Variants in SLC28A3 observed in about 807,000 individuals in gnomAD.
SLC28A3 encodes the protein concentrative Na(+)-nucleoside cotransporter 3.
SLC28A3 carries 68 observed loss-of-function variants against 84.2 expected under a neutral mutation model. The ratio of observed to expected loss-of-function variants is 0.81; its 90% CI spans 0.66 to 0.99. The LOEUF is 0.99. SLC28A3 is among the 50% of genes least tolerant of loss of function. SLC28A3 has a pLI of 0.00. For missense variants in SLC28A3, 712 were observed against 841.5 expected (o/e 0.85, Z 1.90); for synonymous variants, 267 against 303.6 (o/e 0.88, Z 1.25).
chr9:84,279,220 G>A, intron 17 of SLC28A3, 45 bp downstream of exon 17: 1 of 1,283,888 alleles, frequency 7.8e-7, no homozygotes, highest in Non-Finnish European at 1.1e-6. Flanking sequence ...TGATTTGATT[G>A]ATTATTAATG....
chr9:84,355,349 G>T, the SLC28A3 span, among the ~76,000 whole-genome samples: 1 of 152,036 alleles, frequency 6.6e-6, no homozygotes, highest in Non-Finnish European at 1.5e-5. Flanking sequence ...GGGGTGGGAG[G>T]TCTGCTTGAG....
At chr9:84,284,318 G>A (rs1257858161) in intron 14 of SLC28A3, among the ~76,000 whole-genome samples, 2 of 152,170 alleles carry the variant, frequency 1.3e-5, no homozygotes, top group African/African-American at 4.8e-5. Flanking sequence ...CAGAGTCCCT[G>A]CTCATGTCAG....
At chr9:84,295,987 A>G (rs1024152029) in intron 8 of SLC28A3, among the ~76,000 whole-genome samples, 3 of 152,222 alleles carry the variant, frequency 2.0e-5, no homozygotes, top group African/African-American at 7.2e-5. Flanking sequence ...TGAGGGAGTT[A>G]AAGAGGCTCA....
chr9:84,363,321 A>G, the SLC28A3 span, among the ~76,000 whole-genome samples: 1 of 152,232 alleles, frequency 6.6e-6, no homozygotes, highest in South Asian at 2.1e-4. Flanking sequence ...GGGAGAAATC[A>G]ATAAGTCAAG....
At chr9:84,339,687 C>T (rs1265111558) in intron 1 of SLC28A3, among the ~76,000 whole-genome samples, 2 of 152,164 alleles carry the variant, frequency 1.3e-5, no homozygotes, top group African/African-American at 2.4e-5. Context: ...ACACTTGTGA[C>T]CTATAAGTGG....
At chr9:84,311,888 C>T (rs1276525889) in intron 2 of SLC28A3, among the ~76,000 whole-genome samples, 1 of 152,116 alleles carries the variant, frequency 6.6e-6, no homozygotes, top group South Asian at 2.1e-4. Flanking sequence ...TCTTATTTGT[C>T]CCTACCACCC....
At chr9:84,348,303 G>C in the SLC28A3 span, among the ~76,000 whole-genome samples, 1 of 147,812 alleles carries the variant, frequency 6.8e-6, no homozygotes, top group East Asian at 2.0e-4. Flanking sequence ...GCAGTGAGCC[G>C]AGATCACAGC....
chr9:84,325,791 C>T (rs1276253396), intron 1 of SLC28A3, among the ~76,000 whole-genome samples: 3 of 152,230 alleles, frequency 2.0e-5, no homozygotes, highest in Non-Finnish European at 2.9e-5. Context: ...CCTTTCTGAA[C>T]ACTGACCGGT....
At chr9:84,340,913 C>T (rs1361477356), upstream of SLC28A3, among the ~76,000 whole-genome samples, 2 of 151,910 alleles carry the variant, frequency 1.3e-5, no homozygotes, top group Admixed American at 1.3e-4. Flanking sequence ...ATCCTATTTG[C>T]ACTCCTGGGG....
At chr9:84,358,782 A>T in the SLC28A3 span, among the ~76,000 whole-genome samples, 3 of 152,140 alleles carry the variant, frequency 2.0e-5, no homozygotes, top group Admixed American at 2.0e-4. Flanking sequence ...ACTGGAAAGA[A>T]GACATTTTCT....
In SLC28A3 at chr9:84,276,877, A is replaced by C. The variant is rs187893263; in HGVS notation, c.*1341T>G. On this transcript the variant is annotated 3_prime_UTR_variant, in exon 18 of 18. Coordinates refer to ENST00000376238, the MANE Select transcript of SLC28A3 (RefSeq NM_001199633.2). ...TAAGGTATTTCAAAACCTTTTTCAC[A>C]TTCAGTGTCTGTTTCTTGACTTGGT... is the stretch of plus-strand genomic sequence containing the variant. 1.1e-4 allele frequency: 16 copies of C among 152,328 alleles called. No homozygotes were observed. Among genetic ancestry groups the C allele is most frequent in the Admixed American group, 5.9e-4 (9 of 15,300 alleles). 9.4% of individuals were successfully genotyped at this position (152,328 alleles called of 1,614,324 possible). A position where few individuals can be genotyped will look rare whatever the true frequency, so the allele number is the denominator to read the frequency against.
intron 1 of SLC28A3, among the ~76,000 whole-genome samples, chr9:84,318,264 A>AAG (rs57769966): frequency 0.011 from 1,743 of 152,268 alleles, 34 homozygotes; most frequent in African/African-American, 0.039. Context: ...TACCTGTGGC[A>AAG]AGAGACCCAG....
intron 8 of SLC28A3, among the ~76,000 whole-genome samples, chr9:84,296,225 C>A (rs1194082293): frequency 6.6e-6 from 1 of 152,174 alleles, no homozygotes; most frequent in East Asian, 1.9e-4. Context: ...GTTATCTCAG[C>A]CCTAAAACAT....
chr9:84,290,043 A>G lies in SLC28A3; in HGVS notation c.1149+111T>C, dbSNP rs11568389. 11,876 of 1,435,334 alleles carry G rather than the reference A, an allele frequency of 8.3e-3. 65 individuals are homozygous for G. Among genetic ancestry groups the G allele is most frequent in the Non-Finnish European group, 9.4e-3 (10,145 of 1,077,718 alleles). The allele number at this position is 1,435,334 out of a possible 1,614,324, so 88.9% of individuals were successfully genotyped here. A position where few individuals can be genotyped will look rare whatever the true frequency, so the allele number is the denominator to read the frequency against. Reference sequence around the variant, plus strand: ...TGTGACCAACTTTTGCCATATGGCAAAAAAAGACACTCTCTTGGCCTCCTT... The same window carrying G: ...TGTGACCAACTTTTGCCATATGGCAGAAAAAGACACTCTCTTGGCCTCCTT... On this transcript the variant is annotated intron_variant, in intron 11 of 17. Transcript: ENST00000376238.
At chr9:84,358,723 C>A in the SLC28A3 span, among the ~76,000 whole-genome samples, 1 of 152,080 alleles carries the variant, frequency 6.6e-6, no homozygotes, top group South Asian at 2.1e-4. Flanking sequence ...GGGAGAACAA[C>A]CTTTTGTTGT....
At chr9:84,364,207 C>A in the SLC28A3 span, among the ~76,000 whole-genome samples, 10 of 149,020 alleles carry the variant, frequency 6.7e-5, no homozygotes, top group African/African-American at 2.5e-4. Flanking sequence ...TCACTTCAAC[C>A]TCTGCTTGCC....
chr9:84,298,842 C>G (rs1825516537), intron 6 of SLC28A3, among the ~76,000 whole-genome samples: 1 of 152,168 alleles, frequency 6.6e-6, no homozygotes, highest in African/African-American at 2.4e-5. Context: ...CAAATGCAGA[C>G]CCAGGATGTG....
At chr9:84,294,484 A>G (rs7030202) in intron 8 of SLC28A3, among the ~76,000 whole-genome samples, 15,829 of 152,250 alleles carry the variant, frequency 0.1, 931 homozygotes, top group African/African-American at 0.16. Flanking sequence ...CCTGTCTTCT[A>G]TGGTGAGCTT....
chr9:84,309,817 C>A, intron 2 of SLC28A3, 103 bp from the exon 3 acceptor site: 1 of 855,364 alleles, frequency 1.2e-6, no homozygotes. Flanking sequence ...TTCAATAGGT[C>A]CTTTTAAATT....
Sources: gnomAD v4.1 joint callset for allele counts (sites outside exome capture counted in the v4.1 genomes callset) on GRCh38, gnomAD v4.1.1 for gene constraint, MANE v1.5 for transcripts, NCBI Gene and HGNC (gene_info 2026-07-23, HGNC 2026-07-21) for gene names.